NLGN1: variants seen among roughly 807,000 people sequenced by gnomAD.
The protein encoded by NLGN1 is neuroligin-1.
Under a neutral mutation model 65.5 loss-of-function variants are expected in NLGN1, and 12 were observed. The ratio of observed to expected loss-of-function variants is 0.18; its 90% CI spans 0.12 to 0.30. The LOEUF is 0.30. NLGN1 is among the 10% of genes least tolerant of loss of function. The pLI is 1.00. For synonymous variants in NLGN1, 350 were observed against 359.5 expected (o/e 0.97, Z 0.30); for missense variants, 750 against 1,007.1 (o/e 0.74, Z 3.46).
intron 4 of NLGN1, among the ~76,000 whole-genome samples, chr3:173,812,628 G>A (rs1718190313): frequency 6.6e-6 from 1 of 151,750 alleles, no homozygotes; most frequent in African/African-American, 2.4e-5. Context: ...CTACCCAGGA[G>A]GCTGAGGCGG....
chr3:173,906,554 T>C (rs902746074), intron 4 of NLGN1, among the ~76,000 whole-genome samples: 2 of 152,142 alleles, frequency 1.3e-5, no homozygotes, highest in African/African-American at 4.8e-5. Context: ...GTAAACAAAT[T>C]TGTGATAAAA....
chr3:173,741,862 A>C (rs1403839089), intron 3 of NLGN1, among the ~76,000 whole-genome samples: 1 of 152,106 alleles, frequency 6.6e-6, no homozygotes, highest in Non-Finnish European at 1.5e-5. Context: ...AGTTACAAAG[A>C]CTGAGAAAAC....
chr3:173,824,413 C>G (rs1344653584), intron 4 of NLGN1, among the ~76,000 whole-genome samples: 1 of 152,074 alleles, frequency 6.6e-6, no homozygotes. Context: ...ACACTAAATT[C>G]ACTTAACTAG....
chr3:173,867,262 G>A (rs1213128695), intron 4 of NLGN1, among the ~76,000 whole-genome samples: 1 of 152,082 alleles, frequency 6.6e-6, no homozygotes, highest in Non-Finnish European at 1.5e-5. Context: ...CAAGAAATGT[G>A]TTCCCTGTAT....
intron 1 of NLGN1, among the ~76,000 whole-genome samples, chr3:173,403,377 A>G (rs1397104563): frequency 2.0e-5 from 3 of 152,156 alleles, no homozygotes; most frequent in African/African-American, 4.8e-5. Flanking sequence ...ATCCTCATCT[A>G]TGTTTGTCAT....
chr3:173,869,637 C>A (rs982037247), intron 4 of NLGN1, among the ~76,000 whole-genome samples: 1 of 151,978 alleles, frequency 6.6e-6, no homozygotes, highest in Non-Finnish European at 1.5e-5. Context: ...GTAAGCTAAC[C>A]TCAGCACATC....
chr3:174,281,200 G>T (rs1414664833), exon 7 of NLGN1: 2 of 1,613,066 alleles, frequency 1.2e-6, no homozygotes, highest in Non-Finnish European at 1.7e-6. Flanking sequence ...ACTATACCAG[G>T]GATTCAGCCC....
intron 4 of NLGN1, among the ~76,000 whole-genome samples, chr3:174,227,203 G>A (rs6780718): frequency 0.37 from 55,654 of 151,934 alleles, 10,262 homozygotes; most frequent in East Asian, 0.5. Context: ...TACCTGTACA[G>A]TTAGCTAATT....
chr3:174,007,917 G>A (rs1321423404), intron 4 of NLGN1, among the ~76,000 whole-genome samples: 1 of 151,296 alleles, frequency 6.6e-6, no homozygotes, highest in South Asian at 2.1e-4. Context: ...TTCAAAGTGA[G>A]TACATTGGTT....
Position 173,662,506 on chromosome 3 carries a change from T to G in NLGN1, c.493+57415T>G, listed in dbSNP as rs575606344. Among the ~76,000 whole-genome samples the G allele has an allele frequency of 1.1e-4, 16 of 152,162 alleles. No homozygotes were observed. The South Asian group carries it at 3.3e-3, about 32-fold the overall frequency. Reference sequence around the variant, plus strand: ...TGGAATAATTTGTGCAGCTTAAAGTTTATTCATAATTTATCCATTTGAAGT... The same window carrying G: ...TGGAATAATTTGTGCAGCTTAAAGTGTATTCATAATTTATCCATTTGAAGT... On this transcript the variant is annotated intron_variant, in intron 3 of 6. Transcript: ENST00000457714.
rs542406572 is a variant in NLGN1, at chr3:173,493,891, A to T, written c.-321+58813A>T. 2.6e-5 allele frequency among the ~76,000 whole-genome samples: 4 copies of T among 151,788 alleles called. No individual in the cohort carries two copies. In the South Asian group the frequency reaches 8.3e-4, roughly 31 times the overall value. ...TTTACCCTTATTTTTGATTTTTTTGAAAGTTTCTAAAAATTTATTAAAATT... is the reference window on the plus strand; with the variant it reads ...TTTACCCTTATTTTTGATTTTTTTGTAAGTTTCTAAAAATTTATTAAAATT... On this transcript the variant is annotated intron_variant, in intron 2 of 6. Transcript: ENST00000457714.
chr3:173,543,770 T>C (rs1425783735), intron 2 of NLGN1, among the ~76,000 whole-genome samples: 2 of 152,114 alleles, frequency 1.3e-5, no homozygotes, highest in Admixed American at 1.3e-4. Context: ...TAGTAGAAGA[T>C]AGAAATAAAA....
intron 4 of NLGN1, among the ~76,000 whole-genome samples, chr3:174,171,035 A>G (rs1280533090): frequency 6.6e-6 from 1 of 152,176 alleles, no homozygotes; most frequent in Non-Finnish European, 1.5e-5. Flanking sequence ...TCAATATTTT[A>G]AATTTAGTAA....
chr3:173,834,726 A>G (rs1025292133), intron 4 of NLGN1, among the ~76,000 whole-genome samples: 2 of 152,206 alleles, frequency 1.3e-5, no homozygotes, highest in African/African-American at 4.8e-5. Context: ...CAACTTACAT[A>G]TGGTCACAGA....
chr3:173,723,398 A>G (rs1370361995), intron 3 of NLGN1, among the ~76,000 whole-genome samples: 2 of 152,206 alleles, frequency 1.3e-5, no homozygotes, highest in Non-Finnish European at 2.9e-5. Context: ...TAAAAAGTTT[A>G]TTTAGTCTTA....
At chr3:174,210,113 T>A (rs866781214) in intron 4 of NLGN1, among the ~76,000 whole-genome samples, 1 of 152,182 alleles carries the variant, frequency 6.6e-6, no homozygotes, top group African/African-American at 2.4e-5. Context: ...CCTTAACACG[T>A]AAGTATGAGT....
chr3:174,091,478 A>G (rs1247088359), intron 4 of NLGN1, among the ~76,000 whole-genome samples: 1 of 152,244 alleles, frequency 6.6e-6, no homozygotes, highest in East Asian at 1.9e-4. Context: ...CTAATGTACT[A>G]TAGTATTTAG....
intron 4 of NLGN1, among the ~76,000 whole-genome samples, chr3:173,966,117 T>C (rs1714811542): frequency 1.3e-5 from 2 of 152,200 alleles, no homozygotes; most frequent in African/African-American, 4.8e-5. Context: ...ATAAGTATTA[T>C]TTCCGTAATA....
intron 2 of NLGN1, among the ~76,000 whole-genome samples, chr3:173,529,227 A>G (rs931742332): frequency 6.6e-6 from 1 of 152,094 alleles, no homozygotes; most frequent in African/African-American, 2.4e-5. Context: ...GGCAGGTTTT[A>G]TATTGCATTG....
Sources: allele counts gnomAD v4.1 joint callset (sites outside exome capture counted in the v4.1 genomes callset), GRCh38; gene constraint gnomAD v4.1.1; transcripts MANE v1.5; gene names NCBI Gene and HGNC (gene_info 2026-07-23, HGNC 2026-07-21).